Variants in ACLY observed in about 807,000 individuals in gnomAD.
ACLY encodes ATP citrate lyase.
Under a neutral mutation model 133.0 loss-of-function variants are expected in ACLY, and 41 were observed. That is an observed-to-expected ratio of 0.31 (90% CI 0.24 to 0.40). ACLY has a LOEUF of 0.40. Ranked by LOEUF, ACLY falls within the 10% of genes least tolerant of loss-of-function variation. The pLI is 1.00. For synonymous variants in ACLY, 495 were observed against 549.3 expected (o/e 0.90, Z 1.38); for missense variants, 1,046 against 1,453.8 (o/e 0.72, Z 4.56).
intron 19 of ACLY, 143 bp from the exon 20 acceptor site, chr17:41,883,375 G>A (rs2048969566): frequency 1.6e-6 from 1 of 636,782 alleles, no homozygotes; most frequent in Non-Finnish European, 2.7e-6. Flanking sequence ...GATTTCTAAA[G>A]GAACAAACAG....
At chr17:41,909,170 T>C (rs2049817745) in intron 5 of ACLY, 102 bp from the exon 6 acceptor site, 6 of 908,846 alleles carry the variant, frequency 6.6e-6, no homozygotes, top group Admixed American at 6.0e-5. Flanking sequence ...GACAGCTCCA[T>C]TTCCCTAAAC....
intron 20 of ACLY, among the ~76,000 whole-genome samples, chr17:41,880,347 G>A (rs2048881332): frequency 1.3e-5 from 2 of 152,196 alleles, no homozygotes; most frequent in African/African-American, 2.4e-5. Context: ...ACAAAAAGGT[G>A]AAAAGGTTAG....
upstream of ACLY, among the ~76,000 whole-genome samples, chr17:41,922,925 G>C (rs570050159): frequency 6.6e-6 from 1 of 152,268 alleles, no homozygotes; most frequent in Admixed American, 6.5e-5. Flanking sequence ...CCAACGCCCA[G>C]CCTCCTCAAG....
upstream of ACLY, chr17:41,919,088 TCGCTGCTGGCTTGGCTCCGC>T: frequency 8.2e-7 from 1 of 1,212,742 alleles, no homozygotes; most frequent in Non-Finnish European, 1.0e-6. Flanking sequence ...TCCTCCCAAT[TCGCTGCTGGCTTGGCTCCGC>T]CCCACGAGGG....
chr17:41,924,466 T>C (rs1555635794), intron 1 of ACLY, among the ~76,000 whole-genome samples: 1 of 152,050 alleles, frequency 6.6e-6, no homozygotes, highest in Non-Finnish European at 1.5e-5. Context: ...TTCAAATGCA[T>C]TTTCTGTTTA....
intron 16 of ACLY, among the ~76,000 whole-genome samples, chr17:41,889,153 A>G (rs1197338958): frequency 6.6e-6 from 1 of 152,092 alleles, no homozygotes; most frequent in Non-Finnish European, 1.5e-5. Context: ...AAACAAACAA[A>G]AAACAGCCCT....
rs1555629638 is a variant in ACLY, at chr17:41,893,023, G to C, written c.1601+10C>G. The C allele has an allele frequency of 3.7e-6, 6 of 1,611,536 alleles. No individual in the cohort carries two copies. In the African/African-American group the frequency reaches 5.3e-5, roughly 14 times the overall value. On this transcript the variant is annotated intron_variant, in intron 15 of 28. Coordinates refer to ENST00000352035, the MANE Select transcript of ACLY (RefSeq NM_001096.3). ...AGGAAGGAGATATTTCCCGCCATGG[G>C]GTAACTCACGTGAAAGGGTAGACCA...
At position 41,910,306 on chromosome 17, in the gene ACLY, T is replaced by C. The variant is rs376750482; in HGVS notation, c.283-22A>G. ...CAACCTACAGAAAAATTGAGGGAGA[T>C]GAAACTCAGAGGGACAGCACGTCTT... is the stretch of plus-strand genomic sequence containing the variant. On this transcript the variant is annotated intron_variant, in intron 3 of 28. Transcript: ENST00000352035. 1.5e-5 allele frequency: 24 copies of C among 1,609,970 alleles called. No homozygotes were observed. In the Middle Eastern group the frequency reaches 2.5e-3, roughly 166 times the overall value.
chr17:41,919,079 C>A, upstream of ACLY: 8 of 1,221,796 alleles, frequency 6.5e-6, 1 homozygote, highest in South Asian at 1.1e-4. Context: ...CGCCAGGGCT[C>A]CTCCCAATTC....
intron 25 of ACLY, chr17:41,870,594 C>A (rs1383902851): frequency 2.0e-5 from 3 of 152,244 alleles, no homozygotes; most frequent in African/African-American, 7.2e-5. Flanking sequence ...AGGCCCTGAG[C>A]AGCTGCCAGT....
intron 3 of ACLY, 74 bp from the exon 4 acceptor site, chr17:41,910,358 A>T: frequency 7.3e-7 from 1 of 1,373,768 alleles, no homozygotes. Context: ...GAGGGACTGC[A>T]CAGGGGTGGT....
rs782308611 is a variant in ACLY at position 41,872,190 on chromosome 17, G to C, written c.2643-8C>G. 2.5e-5 allele frequency: 38 copies of C among 1,549,182 alleles called. No individual in the cohort carries two copies. Among genetic ancestry groups the C allele is most frequent in the South Asian group, 3.3e-5 (3 of 89,678 alleles). On this transcript the variant is annotated splice_polypyrimidine_tract_variant and splice_region_variant and intron_variant, in intron 23 of 28. Coordinates refer to ENST00000352035, the MANE Select transcript of ACLY (RefSeq NM_001096.3). ...CAAGAGTACTTAGGCAACCTGGAGT[G>C]GGGGGAACAAAGGCCAGGAGATGGT...
chr17:41,912,241 G>A (rs1397932192), intron 3 of ACLY, among the ~76,000 whole-genome samples, 179 bp downstream of exon 3: 1 of 152,196 alleles, frequency 6.6e-6, no homozygotes, highest in Non-Finnish European at 1.5e-5. Context: ...CTGGGAATGG[G>A]CATCAAGACT....
rs1403465461 is a variant in ACLY, at chr17:41,883,793, C to A, written c.2154+400G>T. 2.0e-5 allele frequency among the ~76,000 whole-genome samples: 3 copies of A among 152,064 alleles called. No homozygotes were observed. In the East Asian group the frequency reaches 5.8e-4, roughly 29 times the overall value. ...AGAGATGGGGTTTCACCATGTAGGC[C>A]ACGATGGTCTAGAACTCCTGATCTC... is the stretch of plus-strand genomic sequence containing the variant. On this transcript the variant is annotated intron_variant, in intron 19 of 28. Coordinates refer to ENST00000352035, the MANE Select transcript of ACLY (RefSeq NM_001096.3).
chr17:41,923,817 T>A (rs1555635691), upstream of ACLY, among the ~76,000 whole-genome samples: 1 of 152,140 alleles, frequency 6.6e-6, no homozygotes, highest in African/African-American at 2.4e-5. Context: ...TGTTTGTTTG[T>A]TTGTTTGTTT....
At chr17:41,877,132 ATCTC>A (rs782814336) in intron 22 of ACLY, among the ~76,000 whole-genome samples, 2 of 150,068 alleles carry the variant, frequency 1.3e-5, no homozygotes, top group African/African-American at 4.9e-5. Flanking sequence ...TATGTTCTCT[ATCTC>A]TCTCTCTCCT....
Position 41,878,147 on chromosome 17 carries a change from C to T in ACLY, c.2443G>A (p.Glu815Lys). 1.9e-6 allele frequency: 3 copies of T among 1,595,702 alleles called. No homozygotes were observed. Among genetic ancestry groups the T allele is most frequent in the Admixed American group, 1.7e-5 (1 of 57,834 alleles). The part of the protein sequence containing the change: ...VANGVIVPAQ[E>K]VPPPTVPMDY... The stretch of plus-strand genomic sequence containing the variant: ...ATGGGCACGGTTGGGGGCGGCACCT[C>T]CTGGGCAGGTACAATGACTCCATTG... The change falls in exon 22 of 29, where the codon GAG becomes AAG. Residue 815 changes from glutamate (E) to lysine (K), a missense_variant. Physicochemically the swap from Glu to Lys is moderately conservative, Grantham distance 56. This residue lies in a region of ACLY where 39 missense variants were observed against 30.8 expected (regional missense o/e 1.27). Transcript: ENST00000352035.
Position 41,886,271 on chromosome 17 carries a change from T to C in ACLY, c.1913A>G (p.Asn638Ser), listed in dbSNP as rs2144277243. The C allele has an allele frequency of 6.2e-7, 1 of 1,613,656 alleles. No homozygotes were observed. Among genetic ancestry groups the C allele is most frequent in the Non-Finnish European group, 8.5e-7 (1 of 1,179,574 alleles). ...GIKPGCFKIG[N>S]TGGMLDNILA... ...GATGTTGTCCAGCATCCCACCTGTG[T>C]TGCCAATCTTAAAGCACCCAGGCTT... Residue 638 changes from asparagine (N) to serine (S), a missense_variant, in exon 18 of 29, where the codon AAC becomes AGC. By Grantham distance (46) the Asn-to-Ser change is conservative. Transcript: ENST00000352035.
At chr17:41,927,246 C>A (rs1555636078) in intron 1 of ACLY, among the ~76,000 whole-genome samples, 4 of 152,332 alleles carry the variant, frequency 2.6e-5, no homozygotes, top group African/African-American at 9.6e-5. Context: ...TCCTCACCTC[C>A]ATGAGTTTCC....
Sources: gnomAD v4.1 joint callset for allele counts (sites outside exome capture counted in the v4.1 genomes callset) on GRCh38, gnomAD v4.1.1 for gene constraint, gnomAD v4.1.1 regional missense constraint, MANE v1.5 for transcripts, NCBI Gene and HGNC (gene_info 2026-07-23, HGNC 2026-07-21) for gene names.